Variants in ZRANB3 observed in about 807,000 individuals in gnomAD.
ZRANB3 encodes DNA annealing helicase and endonuclease ZRANB3.
A neutral mutation model predicts 133.8 loss-of-function variants in ZRANB3; 125 were observed. The ratio of observed to expected loss-of-function variants is 0.93; its 90% CI spans 0.81 to 1.08. ZRANB3 has a LOEUF of 1.08. Among genes scored for constraint, ZRANB3 ranks in the 50% least tolerant of loss-of-function variants. ZRANB3 has a pLI of 0.00. For missense variants in ZRANB3, 1,229 were observed against 1,275.5 expected (o/e 0.96, Z 0.56); for synonymous variants, 387 against 432.7 (o/e 0.89, Z 1.31).
chr2:135,201,338 G>C (rs1693616778), intron 20 of ZRANB3, among the ~76,000 whole-genome samples: 1 of 152,056 alleles, frequency 6.6e-6, no homozygotes, highest in African/African-American at 2.4e-5. Context: ...AGGTGTTCCA[G>C]GCGGAAACAG....
intron 2 of ZRANB3, among the ~76,000 whole-genome samples, chr2:135,452,350 A>G (rs1235256534): frequency 6.6e-6 from 1 of 152,138 alleles, no homozygotes; most frequent in African/African-American, 2.4e-5. Context: ...CAGCCAAACC[A>G]TATCATTCCC....
At chr2:135,462,942 T>C (rs1574141634) in intron 2 of ZRANB3, among the ~76,000 whole-genome samples, 1 of 152,220 alleles carries the variant, frequency 6.6e-6, no homozygotes, top group Non-Finnish European at 1.5e-5. Context: ...CATTCACTAA[T>C]AACTCTTCCC....
intron 1 of ZRANB3, among the ~76,000 whole-genome samples, chr2:135,522,997 A>G (rs1032385735): frequency 1.3e-5 from 2 of 152,172 alleles, no homozygotes; most frequent in Admixed American, 6.5e-5. Flanking sequence ...ACAATTCATA[A>G]TCTCTTCATA....
At chr2:135,529,247 C>T (rs971877321) in intron 1 of ZRANB3, among the ~76,000 whole-genome samples, 11 of 152,150 alleles carry the variant, frequency 7.2e-5, no homozygotes, top group African/African-American at 2.7e-4. Flanking sequence ...AAAGGGCACA[C>T]GCATAGGGAG....
intron 20 of ZRANB3, among the ~76,000 whole-genome samples, chr2:135,201,193 A>G (rs1411389416): frequency 6.6e-6 from 1 of 152,176 alleles, no homozygotes; most frequent in African/African-American, 2.4e-5. Flanking sequence ...TTTCATGAGA[A>G]TCTAAAAAAA....
chr2:135,263,832 G>A (rs1680087250), intron 12 of ZRANB3, among the ~76,000 whole-genome samples: 1 of 151,518 alleles, frequency 6.6e-6, no homozygotes, highest in African/African-American at 2.4e-5. Context: ...CTGGAGTGCA[G>A]TGGCGTGATC....
rs1454031956 is a variant in ZRANB3 at position 135,342,912 on chromosome 2, C to T, written c.677+2638G>A. Among the ~76,000 whole-genome samples, 3 of 147,216 alleles carry T rather than the reference C, an allele frequency of 2.0e-5. 1 individual carries two copies. The highest frequency in any genetic ancestry group is 8.0e-5 in the African/African-American group (3 of 37,330). On this transcript the variant is annotated intron_variant, in intron 6 of 20. Coordinates refer to ENST00000264159, the MANE Select transcript of ZRANB3 (RefSeq NM_032143.4). ...GGGCATGGTAGCTCACACCTGTAAT[C>T]CCAGCACTTTGGGAGGCTGAGGCAG... is the stretch of plus-strand genomic sequence containing the variant.
chr2:135,256,251 C>A (rs1429727075), intron 12 of ZRANB3, among the ~76,000 whole-genome samples: 3 of 152,168 alleles, frequency 2.0e-5, no homozygotes, highest in Non-Finnish European at 4.4e-5. Context: ...AAGAGCCATA[C>A]AAGAAGTGGC....
intron 8 of ZRANB3, among the ~76,000 whole-genome samples, chr2:135,296,800 G>A (rs1682139839): frequency 6.6e-6 from 1 of 152,156 alleles, no homozygotes; most frequent in Non-Finnish European, 1.5e-5. Context: ...CTAACAGTCA[G>A]GACCGTCAGC....
chr2:135,457,391 A>G (rs545420300), intron 2 of ZRANB3, among the ~76,000 whole-genome samples: 5 of 152,290 alleles, frequency 3.3e-5, no homozygotes, highest in Admixed American at 3.3e-4. Context: ...CTGTTTTTCA[A>G]AGTGGCTGCA....
At chr2:135,471,281 T>G (rs1691257067) in intron 2 of ZRANB3, among the ~76,000 whole-genome samples, 1 of 152,182 alleles carries the variant, frequency 6.6e-6, no homozygotes, top group Non-Finnish European at 1.5e-5. Flanking sequence ...ATCTTTCACC[T>G]ACTCATATGA....
At position 135,217,517 on chromosome 2, in the gene ZRANB3, G is replaced by C. The variant is rs755816407; in HGVS notation, c.2443C>G (p.Leu815Val). ...TGCTTTGTGATCTCTTCCAAAGCAAGAATTGGGCTACAGAATAGCTGTCCA... is the reference window on the plus strand; with the variant it reads ...TGCTTTGTGATCTCTTCCAAAGCAACAATTGGGCTACAGAATAGCTGTCCA... ...KSGQLFCSPI[L>V]ALEEITKQQT... Residue 815 changes from leucine to valine, a missense_variant, in exon 17 of 21, where the codon CTT (leucine) becomes GTT (valine). By Grantham distance (32) the Leu-to-Val change is conservative. Transcript: ENST00000264159. 4 of 1,613,474 alleles carry C rather than the reference G, an allele frequency of 2.5e-6. No homozygotes were observed. In the African/African-American group the frequency reaches 5.3e-5, roughly 22 times the overall value.
intron 2 of ZRANB3, among the ~76,000 whole-genome samples, chr2:135,427,871 G>A (rs1324483961): frequency 6.6e-6 from 1 of 152,080 alleles, no homozygotes; most frequent in Non-Finnish European, 1.5e-5. Context: ...CAATGGAACA[G>A]AATAGAAAGT....
At position 135,210,843 on chromosome 2, in the gene ZRANB3, AC is replaced by A. The variant is rs1694067372; in HGVS notation, c.2496-1866del. 5.9e-5 allele frequency among the ~76,000 whole-genome samples: 9 copies of A among 152,262 alleles called. No individual in the cohort carries two copies. The South Asian group carries it at 1.9e-3, about 32-fold the overall frequency. ...AGGGGGAATATCTTTTCACACATTC[AC>A]ATGGTGAAACCCTGTCTCTACTAAA... On this transcript the variant is annotated intron_variant, in intron 17 of 20. Transcript: ENST00000264159.
At chr2:135,293,028 T>A (rs1378784097) in intron 8 of ZRANB3, among the ~76,000 whole-genome samples, 3 of 152,108 alleles carry the variant, frequency 2.0e-5, no homozygotes, top group African/African-American at 7.2e-5. Context: ...TCAGGTAGTG[T>A]GATGCCTCCA....
At chr2:135,207,049 C>T (rs1341018850) in intron 19 of ZRANB3, among the ~76,000 whole-genome samples, 2 of 151,996 alleles carry the variant, frequency 1.3e-5, no homozygotes, top group Non-Finnish European at 2.9e-5. Context: ...CCTGTAATTC[C>T]AGCTACCCAG....
Position 135,244,444 on chromosome 2 carries a change from G to C in ZRANB3, c.1540-13517C>G, listed in dbSNP as rs561256871. Among the ~76,000 whole-genome samples the C allele has an allele frequency of 2.4e-4, 36 of 151,916 alleles. No individual in the cohort carries two copies. In the South Asian group the frequency reaches 7.5e-3, roughly 32 times the overall value. ...AACACGGTGAAACCCTGTCTCTACT[G>C]AAAATACAAAAAAATTAGTCGTGCG... is the stretch of plus-strand genomic sequence containing the variant. On this transcript the variant is annotated intron_variant, in intron 12 of 20. Coordinates refer to ENST00000264159, the MANE Select transcript of ZRANB3 (RefSeq NM_032143.4).
At chr2:135,220,590 C>T (rs1167354561) in intron 15 of ZRANB3, among the ~76,000 whole-genome samples, 2 of 150,246 alleles carry the variant, frequency 1.3e-5, no homozygotes, top group Admixed American at 1.3e-4. Flanking sequence ...CCCAGCTACT[C>T]CGGAGGCTGA....
chr2:135,481,393 T>C lies in ZRANB3; in HGVS notation c.161+22936A>G, dbSNP rs1691798568. Reference sequence around the variant, plus strand: ...ATGATGAGCATTTTTTCATGTGTTTTTTGGCTACATAAATGTCTTCTTTTG... The same window carrying C: ...ATGATGAGCATTTTTTCATGTGTTTCTTGGCTACATAAATGTCTTCTTTTG... On this transcript the variant is annotated intron_variant, in intron 2 of 20. Coordinates refer to ENST00000264159, the MANE Select transcript of ZRANB3 (RefSeq NM_032143.4). 2.6e-5 allele frequency among the ~76,000 whole-genome samples: 4 copies of C among 152,192 alleles called. No individual in the cohort carries two copies. In the South Asian group the frequency reaches 6.2e-4, roughly 24 times the overall value.
Sources: allele counts gnomAD v4.1 joint callset (sites outside exome capture counted in the v4.1 genomes callset), GRCh38; gene constraint gnomAD v4.1.1; transcripts MANE v1.5; gene names NCBI Gene and HGNC (gene_info 2026-07-23, HGNC 2026-07-21).